Variants in TMEFF2 observed in about 807,000 individuals in gnomAD.
The protein encoded by TMEFF2 is tomoregulin-2.
TMEFF2 carries 28 observed loss-of-function variants against 53.8 expected under a neutral mutation model. That is an observed-to-expected ratio of 0.52 (90% CI 0.39 to 0.71). The LOEUF (loss-of-function observed/expected upper bound fraction) is 0.71. Among genes scored for constraint, TMEFF2 ranks in the 30% least tolerant of loss-of-function variants. The probability of loss-of-function intolerance (pLI) is 0.00; values close to 1 mark genes in which losing one functional copy is unlikely to be tolerated. For synonymous variants in TMEFF2, 162 were observed against 166.3 expected, an observed-to-expected ratio of 0.97 and a Z score of 0.20; for missense variants, 353 against 455.2, an observed-to-expected ratio of 0.78 and a Z score of 2.04.
intron 4 of TMEFF2, among the ~76,000 whole-genome samples, chr2:192,070,814 C>T (rs144400807): frequency 2.1e-4 from 32 of 151,884 alleles, no homozygotes; most frequent in African/African-American, 6.5e-4. Context: ...GACTATGGGG[C>T]CAATGTTGAG....
At chr2:192,123,913 TAAGAA>T (rs1272998059) in intron 4 of TMEFF2, among the ~76,000 whole-genome samples, 1 of 152,208 alleles carries the variant, frequency 6.6e-6, no homozygotes, top group East Asian at 1.9e-4. Flanking sequence ...TTATGAGAAA[TAAGAA>T]AATGTTTGAA....
intron 7 of TMEFF2, among the ~76,000 whole-genome samples, chr2:191,981,671 T>A (rs1204097236): frequency 6.6e-6 from 1 of 152,208 alleles, no homozygotes; most frequent in Non-Finnish European, 1.5e-5. Flanking sequence ...TGTATTTGTT[T>A]GAGTAACATG....
At chr2:192,104,971 G>C (rs1020206344) in intron 4 of TMEFF2, among the ~76,000 whole-genome samples, 1 of 151,810 alleles carries the variant, frequency 6.6e-6, no homozygotes, top group Non-Finnish European at 1.5e-5. Context: ...TCATGTTAAC[G>C]CAAGACAAGA....
At chr2:192,079,326 T>C (rs1262145667) in intron 4 of TMEFF2, among the ~76,000 whole-genome samples, 1 of 152,234 alleles carries the variant, frequency 6.6e-6, no homozygotes, top group Admixed American at 6.5e-5. Flanking sequence ...TTTCTTTTCA[T>C]AGTTTTCGGA....
At chr2:191,969,382 C>T (rs1692566811) in intron 7 of TMEFF2, among the ~76,000 whole-genome samples, 1 of 152,064 alleles carries the variant, frequency 6.6e-6, no homozygotes, top group South Asian at 2.1e-4. Flanking sequence ...CAATCAATCC[C>T]TACCTTAGGT....
intron 4 of TMEFF2, among the ~76,000 whole-genome samples, chr2:192,145,165 C>T (rs934199857): frequency 3.0e-4 from 45 of 151,864 alleles, no homozygotes; most frequent in African/African-American, 1.1e-3. Flanking sequence ...TTATTAATTA[C>T]TTATTAACTT....
At chr2:191,956,987 T>C (rs1453225597) in intron 7 of TMEFF2, among the ~76,000 whole-genome samples, 3 of 152,222 alleles carry the variant, frequency 2.0e-5, no homozygotes, top group Non-Finnish European at 2.9e-5. Context: ...AAATCACTTA[T>C]GTAGATATTC....
chr2:191,957,197 A>G (rs1467650798), intron 7 of TMEFF2, among the ~76,000 whole-genome samples: 1 of 152,214 alleles, frequency 6.6e-6, no homozygotes, highest in East Asian at 1.9e-4. Context: ...TGTTAGTCCA[A>G]AAACGTTTGC....
intron 4 of TMEFF2, among the ~76,000 whole-genome samples, chr2:192,062,282 C>G (rs1025833378): frequency 6.6e-6 from 1 of 152,106 alleles, no homozygotes; most frequent in African/African-American, 2.4e-5. Context: ...TTCTTTCACT[C>G]AAAATGATAG....
At chr2:192,189,782 T>A (rs974711302) in intron 2 of TMEFF2, among the ~76,000 whole-genome samples, 2 of 152,112 alleles carry the variant, frequency 1.3e-5, no homozygotes, top group African/African-American at 2.4e-5. Context: ...ATGCAACTTA[T>A]ACTTTTCTTT....
At chr2:192,034,996 C>A (rs937051980) in intron 5 of TMEFF2, 2 of 152,208 alleles carry the variant, frequency 1.3e-5, no homozygotes, top group Non-Finnish European at 2.9e-5. Context: ...GATGTCTCTT[C>A]CTTTTTTAAT....
chr2:191,976,758 C>T (rs1260516513), intron 7 of TMEFF2, among the ~76,000 whole-genome samples: 3 of 152,098 alleles, frequency 2.0e-5, no homozygotes, highest in African/African-American at 4.8e-5. Context: ...GCCCAGACTC[C>T]GGGTGGAAGG....
At chr2:192,017,747 C>T (rs978701122) in intron 5 of TMEFF2, among the ~76,000 whole-genome samples, 1 of 152,170 alleles carries the variant, frequency 6.6e-6, no homozygotes, top group Non-Finnish European at 1.5e-5. Flanking sequence ...TTTATTTCTC[C>T]AGGCCAGAAT....
chr2:192,114,933 T>G (rs1195138814), intron 4 of TMEFF2, among the ~76,000 whole-genome samples: 2 of 152,040 alleles, frequency 1.3e-5, no homozygotes, highest in African/African-American at 4.8e-5. Context: ...ACAATGTATA[T>G]GTATATCAAA....
intron 7 of TMEFF2, among the ~76,000 whole-genome samples, chr2:191,989,078 GA>G (rs1686045439): frequency 6.6e-6 from 1 of 152,208 alleles, no homozygotes; most frequent in South Asian, 2.1e-4. Flanking sequence ...TTAACTTTGT[GA>G]AAAAACATTT....
chr2:192,050,302 G>A (rs1307682949), intron 5 of TMEFF2, among the ~76,000 whole-genome samples: 3 of 152,114 alleles, frequency 2.0e-5, no homozygotes, highest in African/African-American at 4.8e-5. Context: ...TAATCACTGT[G>A]ATAGCTAGTA....
At chr2:192,097,914 A>G (rs767873237) in intron 4 of TMEFF2, among the ~76,000 whole-genome samples, 1 of 152,202 alleles carries the variant, frequency 6.6e-6, no homozygotes, top group African/African-American at 2.4e-5. Context: ...AAGTGATAAC[A>G]ACAGTCTCTG....
intron 4 of TMEFF2, among the ~76,000 whole-genome samples, chr2:192,089,671 C>T (rs763206323): frequency 2.5e-4 from 38 of 152,086 alleles, no homozygotes; most frequent in Admixed American, 2.2e-3. Context: ...GCACTGTAGC[C>T]GACACACAGT....
At chr2:192,034,153 T>C (rs566690266) in intron 5 of TMEFF2, among the ~76,000 whole-genome samples, 206 of 137,840 alleles carry the variant, frequency 1.5e-3, no homozygotes, top group African/African-American at 5.3e-3. Flanking sequence ...CCAGCCTGGG[T>C]GACAGAGCAG....
Sources: gnomAD v4.1 joint callset for allele counts (sites outside exome capture counted in the v4.1 genomes callset) on GRCh38, gnomAD v4.1.1 for gene constraint, MANE v1.5 for transcripts, NCBI Gene and HGNC (gene_info 2026-07-23, HGNC 2026-07-21) for gene names.